The following KCTD19 variants were observed in gnomAD, a reference collection of about 807,000 sequenced individuals.
The protein encoded by KCTD19 is BTB/POZ domain-containing protein KCTD19.
KCTD19 carries 67 observed loss-of-function variants against 103.5 expected under a neutral mutation model. The observed-to-expected ratio is 0.65, with a 90% CI of 0.53 to 0.79. The LOEUF (loss-of-function observed/expected upper bound fraction) is 0.79, where lower values mean the gene tolerates loss of function less well. KCTD19 is among the 30% of genes least tolerant of loss of function. The pLI is 0.00. For synonymous variants in KCTD19, 439 were observed against 452.2 expected, an observed-to-expected ratio of 0.97 and a Z score of 0.37; for missense variants, 980 against 1,136.1, an observed-to-expected ratio of 0.86 and a Z score of 1.98.
intron 2 of KCTD19, chr16:67,305,652 T>C: frequency 6.8e-6 from 3 of 439,838 alleles, no homozygotes; most frequent in South Asian, 3.3e-5. Flanking sequence ...ACCCCCTCCC[T>C]TTTTTTTTCT....
chr16:67,298,670 A>C (rs2036796606), intron 6 of KCTD19, among the ~76,000 whole-genome samples: 1 of 152,170 alleles, frequency 6.6e-6, no homozygotes, highest in African/African-American at 2.4e-5. Flanking sequence ...GCCCAAAACA[A>C]CAATATTGGG....
rs1242737723 is a variant in KCTD19 at position 67,320,680 on chromosome 16, A to C, written c.209T>G (p.Leu70Arg). The change falls in exon 2 of 16, where the codon CTC becomes CGC. Residue 70 changes from leucine to arginine, a missense_variant. By Grantham distance (102) the Leu-to-Arg change is moderately radical. Transcript: ENST00000304372. The surrounding 1 kb of genome is among the most constrained non-coding windows in gnomAD (Gnocchi z 4.0). ...GSTFRHVHYY[L>R]YTSKLSFSSC... Reference sequence around the variant, plus strand: ...GGAGAAGGAGAGTTTGGAGGTGTAGAGGTAATAGTGCACGTGCCTAAATGT... The same window carrying C: ...GGAGAAGGAGAGTTTGGAGGTGTAGCGGTAATAGTGCACGTGCCTAAATGT... 2 of 1,614,170 alleles carry C rather than the reference A, an allele frequency of 1.2e-6. No individual in the cohort carries two copies. Among genetic ancestry groups the C allele is most frequent in the Non-Finnish European group, 1.7e-6 (2 of 1,180,016 alleles).
At chr16:67,299,129 A>G (rs182158609) in intron 6 of KCTD19, among the ~76,000 whole-genome samples, 20 of 152,360 alleles carry the variant, frequency 1.3e-4, no homozygotes, top group Admixed American at 1.0e-3. Flanking sequence ...GAAATAGGAA[A>G]TGGTCTGAAG....
chr16:67,308,592 T>C (rs2036918372), intron 2 of KCTD19, among the ~76,000 whole-genome samples: 1 of 152,152 alleles, frequency 6.6e-6, no homozygotes, highest in Admixed American at 6.5e-5. Context: ...TTGTGTACGC[T>C]GTTCCATCTG....
At chr16:67,322,734 T>C (rs2037089090) in intron 1 of KCTD19, among the ~76,000 whole-genome samples, 1 of 152,178 alleles carries the variant, frequency 6.6e-6, no homozygotes, top group Non-Finnish European at 1.5e-5. Flanking sequence ...TTTAAAAACA[T>C]TTGTGCTTTA....
At position 67,293,817 on chromosome 16, in the gene KCTD19, G is replaced by C; in HGVS notation, c.1945C>G (p.Gln649Glu). 1 of 1,613,764 alleles carries C rather than the reference G, an allele frequency of 6.2e-7. No homozygotes were observed. The highest frequency in any genetic ancestry group is 8.5e-7 in the Non-Finnish European group (1 of 1,180,026). Reference sequence around the variant, plus strand: ...GCTGTCAGTGGCTGGAATTCCCACTGTTTGCAATTGACCATGTCCCATTCT... The same window carrying C: ...GCTGTCAGTGGCTGGAATTCCCACTCTTTGCAATTGACCATGTCCCATTCT... ...VREWDMVNCK[Q>E]WEFQPLTATR... Residue 649 changes from glutamine to glutamate, a missense_variant, in exon 12 of 16, where the codon CAG becomes GAG. By Grantham distance (29) the Gln-to-Glu change is conservative. Transcript: ENST00000304372. This position sits in a 1 kb window ranked among gnomAD's most constrained non-coding sequence, Gnocchi z 4.0.
Position 67,294,103 on chromosome 16 carries a change from T to A in KCTD19, c.1659A>T (p.Gly553=), listed in dbSNP as rs754925791. Residue 553 remains glycine (G), a synonymous_variant, in exon 12 of 16, where the codon GGA becomes GGT. Coordinates refer to ENST00000304372, the MANE Select transcript of KCTD19 (RefSeq NM_001100915.3). ...SDRTPWNKAK[G]NLVRSNQMDE... ...CCATCTGGTTGGACCTGACCAGGTT[T>A]CCCTTAGCCTTGTTCCATGGAGTCC... 1 of 1,613,624 alleles carries A rather than the reference T, an allele frequency of 6.2e-7. No homozygotes were observed. Among genetic ancestry groups the A allele is most frequent in the Non-Finnish European group, 8.5e-7 (1 of 1,179,584 alleles).
At chr16:67,302,367 C>A in intron 4 of KCTD19, 1 of 183,970 alleles carries the variant, frequency 5.4e-6, no homozygotes, top group Admixed American at 5.6e-5. Context: ...GGAGCCAACG[C>A]TAATGTCCTG....
intron 5 of KCTD19, 60 bp from the exon 6 acceptor site, chr16:67,299,633 C>A: frequency 1.4e-6 from 2 of 1,469,558 alleles, no homozygotes; most frequent in Non-Finnish European, 1.9e-6. Context: ...GGATTGGAGG[C>A]TTTGGGGCTC....
intron 2 of KCTD19, among the ~76,000 whole-genome samples, chr16:67,312,282 C>T (rs1237899305): frequency 6.6e-6 from 1 of 152,196 alleles, no homozygotes; most frequent in Non-Finnish European, 1.5e-5. Context: ...AAATTCCACA[C>T]TCTGCAGCTG....
chr16:67,325,649 T>C (rs1005777364), intron 1 of KCTD19, among the ~76,000 whole-genome samples: 1 of 151,946 alleles, frequency 6.6e-6, no homozygotes, highest in Non-Finnish European at 1.5e-5. Flanking sequence ...GGAGTGAGGG[T>C]AGGGGTTAGG....
chr16:67,301,782 GC>G lies in KCTD19; in HGVS notation c.775+8del. 2 of 1,613,352 alleles carry G rather than the reference GC, an allele frequency of 1.2e-6. No individual in the cohort carries two copies. The highest frequency in any genetic ancestry group is 1.7e-6 in the Non-Finnish European group (2 of 1,179,542). ...GTCGAGGGGGAGCCAAGGTTTCCTG[GC>G]GACATACCCATGTTCATCCGGTACC... On this transcript the variant is annotated splice_region_variant and intron_variant, in intron 5 of 15. Transcript: ENST00000304372.
In KCTD19 at chr16:67,293,966, C is replaced by T. The variant is rs1281822373; in HGVS notation, c.1796G>A (p.Gly599Glu). The T allele has an allele frequency of 6.2e-7, 1 of 1,614,082 alleles. No homozygotes were observed. The highest frequency in any genetic ancestry group is 1.7e-5 in the Admixed American group (1 of 60,022). ...SHCRGLCTNP[G>E]HWGSHPESPP... ...GCTCTCAGGGTGGCTCCCCCAGTGT[C>T]CAGGATTGGTACACAAGCCACGGCA... The change falls in exon 12 of 16, where the codon GGA becomes GAA. Residue 599 changes from glycine (G) to glutamate (E), a missense_variant. Transcript: ENST00000304372. This position sits in a 1 kb window ranked among gnomAD's most constrained non-coding sequence, Gnocchi z 4.0.
intron 11 of KCTD19, 38 bp from the exon 12 acceptor site, chr16:67,294,209 G>T: frequency 6.4e-7 from 1 of 1,570,406 alleles, no homozygotes; most frequent in South Asian, 1.2e-5. Flanking sequence ...GGATAGGTTG[G>T]GCATGGACAT....
At chr16:67,317,130 T>A (rs2037021050) in intron 2 of KCTD19, among the ~76,000 whole-genome samples, 1 of 152,124 alleles carries the variant, frequency 6.6e-6, no homozygotes, top group South Asian at 2.1e-4. Flanking sequence ...GCAGTTTAGA[T>A]ATATGCTGCC....
rs200347567 is a variant in KCTD19 at position 67,299,419 on chromosome 16, C to T, written c.930G>A (p.Thr310=). Reference sequence around the variant, plus strand: ...TGATGTACAGTCGGCTTCCGTCTAGCGTGCTCTCGATGCGAAGCTGGCCCA... The same window carrying T: ...TGATGTACAGTCGGCTTCCGTCTAGTGTGCTCTCGATGCGAAGCTGGCCCA... ...SALGQLRIES[T]LDGSRLYITG... is the part of the protein sequence containing the mutation. Residue 310 remains threonine, a synonymous_variant, in exon 6 of 16, where the codon ACG becomes ACA. Coordinates refer to ENST00000304372, the MANE Select transcript of KCTD19 (RefSeq NM_001100915.3). 82 of 1,614,264 alleles carry T rather than the reference C, an allele frequency of 5.1e-5. No homozygotes were observed. The East Asian group carries it at 1.1e-3, about 21-fold the overall frequency.
chr16:67,289,448 A>G lies in KCTD19; in HGVS notation c.*121T>C. On this transcript the variant is annotated 3_prime_UTR_variant, in exon 16 of 16. Coordinates refer to ENST00000304372, the MANE Select transcript of KCTD19 (RefSeq NM_001100915.3). ...TCTTTGATGTGTGATTTAATCTTTT[A>G]TTTGTTTATAATAAAAAATAGACTG... 1 of 562,832 alleles carries G rather than the reference A, an allele frequency of 1.8e-6. No individual in the cohort carries two copies. Among genetic ancestry groups the G allele is most frequent in the Non-Finnish European group, 3.2e-6 (1 of 313,128 alleles). 34.9% of individuals were successfully genotyped at this position (562,832 alleles called of 1,614,324 possible).
rs778576341 is a variant in KCTD19 at position 67,297,669 on chromosome 16, C to A, written c.987-6G>T. On this transcript the variant is annotated splice_region_variant and splice_polypyrimidine_tract_variant and intron_variant, in intron 6 of 15. Transcript: ENST00000304372. The stretch of plus-strand genomic sequence containing the variant: ...GGCAAGTCCCCAGCCAGTTCCTGCC[C>A]AGAGGAAAGGTCTGTCATGAAGAAC... 6.2e-7 allele frequency: 1 copy of A among 1,613,168 alleles called. No individual in the cohort carries two copies. Among genetic ancestry groups the A allele is most frequent in the South Asian group, 1.1e-5 (1 of 91,000 alleles).
At chr16:67,291,215 T>G in intron 14 of KCTD19, 94 bp downstream of exon 14, 2 of 1,470,606 alleles carry the variant, frequency 1.4e-6, no homozygotes, top group South Asian at 2.6e-5. Flanking sequence ...CCATCTTGGC[T>G]TACTTCCTCT....
Sources: allele counts gnomAD v4.1 joint callset (sites outside exome capture counted in the v4.1 genomes callset), GRCh38; gene constraint gnomAD v4.1.1; non-coding constraint Gnocchi (gnomAD v3.1); transcripts MANE v1.5; gene names NCBI Gene and HGNC (gene_info 2026-07-23, HGNC 2026-07-21).